Variants in KDM4C observed in about 807,000 individuals in gnomAD.
KDM4C encodes the protein lysine demethylase 4C.
In KDM4C, 81 loss-of-function variants were observed where a neutral mutation model predicts 129.3. The ratio of observed to expected loss-of-function variants is 0.63; its 90% confidence interval spans 0.52 to 0.75. KDM4C has a LOEUF of 0.75. KDM4C is among the 30% of genes least tolerant of loss of function. The pLI is 0.00. For synonymous variants in KDM4C, 573 were observed against 456.1 expected (o/e 1.26, Z -3.26); for missense variants, 1,457 against 1,304.0 (o/e 1.12, Z -1.81).
intron 4 of KDM4C, among the ~76,000 whole-genome samples, chr9:6,845,404 G>A (rs1837677270): frequency 1.3e-5 from 2 of 151,962 alleles, no homozygotes; most frequent in Non-Finnish European, 2.9e-5. Context: ...TTGTAGAGAC[G>A]GGGTCTCACT....
At chr9:7,086,993 G>C (rs1351592231) in intron 17 of KDM4C, among the ~76,000 whole-genome samples, 1 of 152,038 alleles carries the variant, frequency 6.6e-6, no homozygotes, top group Non-Finnish European at 1.5e-5. Flanking sequence ...AAGACCTCTG[G>C]CATGCCAGAT....
At chr9:6,734,826 G>C (rs998910324) in intron 1 of KDM4C, 1 of 470,482 alleles carries the variant, frequency 2.1e-6, no homozygotes, top group Non-Finnish European at 4.2e-6. Context: ...TTTCTCTACA[G>C]GATCAACTAC....
rs116193779 is a variant in KDM4C at position 6,733,923 on chromosome 9, A to G, written c.49+12926A>G. Among the ~76,000 whole-genome samples the G allele has an allele frequency of 9.5e-3, 1,446 of 152,280 alleles. 21 individuals carry two copies. Among genetic ancestry groups the G allele is most frequent in the African/African-American group, 0.033 (1,377 of 41,558 alleles). Reference sequence around the variant, plus strand: ...CTGCTGAGAGTGTAGCAGTGAGGACAACCAGAGGTCACGCTCACATCTTGG... The same window carrying G: ...CTGCTGAGAGTGTAGCAGTGAGGACGACCAGAGGTCACGCTCACATCTTGG... On this transcript the variant is annotated intron_variant, in intron 1 of 17. Coordinates refer to the KDM4C transcript ENST00000536108.
At chr9:6,815,467 G>A (rs977312726) in intron 4 of KDM4C, among the ~76,000 whole-genome samples, 2 of 151,796 alleles carry the variant, frequency 1.3e-5, no homozygotes, top group African/African-American at 4.8e-5. Flanking sequence ...TAACTGCCTC[G>A]GCCTCCTAAA....
intron 1 of KDM4C, among the ~76,000 whole-genome samples, chr9:6,750,814 C>A (rs1304286658): frequency 6.6e-6 from 1 of 152,144 alleles, no homozygotes; most frequent in African/African-American, 2.4e-5. Flanking sequence ...AGTGGTTTAT[C>A]ATTTTTTACT....
intron 19 of KDM4C, among the ~76,000 whole-genome samples, chr9:7,144,551 C>T (rs1842046789): frequency 6.6e-6 from 1 of 152,222 alleles, no homozygotes; most frequent in East Asian, 1.9e-4. Context: ...CAGGTCTCTT[C>T]CCATTCTCGT....
At chr9:6,840,682 C>A (rs928127637) in intron 4 of KDM4C, among the ~76,000 whole-genome samples, 1 of 152,238 alleles carries the variant, frequency 6.6e-6, no homozygotes, top group Admixed American at 6.5e-5. Flanking sequence ...CAGGCATGAG[C>A]CACCGCATCC....
intron 18 of KDM4C, among the ~76,000 whole-genome samples, chr9:7,118,959 A>G (rs1359544446): frequency 1.3e-5 from 2 of 152,074 alleles, no homozygotes; most frequent in Admixed American, 6.6e-5. Context: ...CCCTCATTCT[A>G]CCTCACAAAA....
intron 4 of KDM4C, among the ~76,000 whole-genome samples, chr9:6,820,199 G>A (rs992083238): frequency 6.6e-6 from 1 of 152,168 alleles, no homozygotes; most frequent in African/African-American, 2.4e-5. Context: ...AGTATGAGCA[G>A]GCCTGCATTC....
At chr9:7,138,742 C>T (rs1270491665) in intron 19 of KDM4C, among the ~76,000 whole-genome samples, 1 of 151,836 alleles carries the variant, frequency 6.6e-6, no homozygotes, top group East Asian at 1.9e-4. Context: ...ACCCTTAAGC[C>T]CAGGAAGTTT....
chr9:7,014,062 C>T (rs1823198128), intron 14 of KDM4C, 61 bp downstream of exon 14: 3 of 1,439,686 alleles, frequency 2.1e-6, no homozygotes, highest in East Asian at 2.3e-5. Context: ...ATCTTTATTT[C>T]TCACTTTTTT....
At chr9:6,842,192 G>C (rs1302653777) in intron 4 of KDM4C, among the ~76,000 whole-genome samples, 1 of 151,858 alleles carries the variant, frequency 6.6e-6, no homozygotes, top group African/African-American at 2.4e-5. Context: ...TTTATAGCCT[G>C]TCTCCAAAAC....
chr9:6,847,749 G>C (rs956626408), intron 4 of KDM4C, among the ~76,000 whole-genome samples: 2 of 152,144 alleles, frequency 1.3e-5, no homozygotes, highest in Admixed American at 6.5e-5. Context: ...TCAGCGTGTG[G>C]CCTAAGTTGT....
intron 19 of KDM4C, among the ~76,000 whole-genome samples, chr9:7,155,494 C>A (rs1843070350): frequency 6.6e-6 from 1 of 152,112 alleles, no homozygotes; most frequent in Non-Finnish European, 1.5e-5. Flanking sequence ...TCTCCTAAGG[C>A]TATCCCTCCC....
At chr9:7,078,310 G>A (rs1357804985) in intron 17 of KDM4C, among the ~76,000 whole-genome samples, 1 of 151,572 alleles carries the variant, frequency 6.6e-6, no homozygotes, top group Non-Finnish European at 1.5e-5. Context: ...AAACACCATA[G>A]TTTTTTATAT....
chr9:7,068,075 C>T (rs1832690885), intron 17 of KDM4C, among the ~76,000 whole-genome samples: 3 of 152,154 alleles, frequency 2.0e-5, no homozygotes, highest in Non-Finnish European at 2.9e-5. Context: ...GGATTACAGG[C>T]GTGAGCCACC....
chr9:7,108,064 G>T (rs1267127326), intron 18 of KDM4C, among the ~76,000 whole-genome samples: 4 of 152,106 alleles, frequency 2.6e-5, no homozygotes, highest in African/African-American at 9.7e-5. Flanking sequence ...AGTGTTTTTT[G>T]TGTGCATAAT....
At chr9:7,001,290 G>A (rs767641653) in intron 12 of KDM4C, among the ~76,000 whole-genome samples, 1 of 152,204 alleles carries the variant, frequency 6.6e-6, no homozygotes, top group Non-Finnish European at 1.5e-5. Flanking sequence ...AGAAACTTAA[G>A]GAGGAATGAT....
chr9:6,865,297 A>G (rs559068154), intron 5 of KDM4C, among the ~76,000 whole-genome samples: 1 of 152,198 alleles, frequency 6.6e-6, no homozygotes, highest in South Asian at 2.1e-4. Context: ...CGTGAGCCAA[A>G]GTGCCCCGTC....
Sources: gnomAD v4.1 joint callset for allele counts (sites outside exome capture counted in the v4.1 genomes callset) on GRCh38, gnomAD v4.1.1 for gene constraint, MANE v1.5 for transcripts, NCBI Gene and HGNC (gene_info 2026-07-23, HGNC 2026-07-21) for gene names.